Variants in NARF observed in about 807,000 individuals in gnomAD.
NARF encodes nuclear prelamin A recognition factor, also known as iron-only hydrogenase-like protein 2.
NARF carries 41 observed loss-of-function variants against 48.0 expected under a neutral mutation model. The observed-to-expected ratio is 0.85, with a 90% confidence interval of 0.66 to 1.11. The LOEUF (loss-of-function observed/expected upper bound fraction) is 1.11. NARF is among the 50% of genes least tolerant of loss of function. NARF has a pLI of 0.00. For missense variants in NARF, 613 were observed against 590.2 expected, an observed-to-expected ratio of 1.04 and a Z score of -0.40; for synonymous variants, 215 against 225.5, an observed-to-expected ratio of 0.95 and a Z score of 0.42.
At chr17:82,476,074 C>T (rs2043825398) in intron 5 of NARF, among the ~76,000 whole-genome samples, 1 of 152,020 alleles carries the variant, frequency 6.6e-6, no homozygotes, top group Admixed American at 6.6e-5. Flanking sequence ...TTGGTGTGAT[C>T]TTGGCCCACT....
intron 3 of NARF, among the ~76,000 whole-genome samples, chr17:82,465,083 C>T (rs561304025): frequency 1.4e-3 from 206 of 152,190 alleles, no homozygotes; most frequent in Non-Finnish European, 2.6e-3. Flanking sequence ...ACAACCATGG[C>T]GGAAGGGTGA....
chr17:82,480,591 C>T, intron 6 of NARF: 1 of 409,744 alleles, frequency 2.4e-6, no homozygotes, highest in Admixed American at 4.1e-5. Flanking sequence ...ACAGCACTTT[C>T]ATCTGTGGGG....
intron 4 of NARF, among the ~76,000 whole-genome samples, chr17:82,470,503 T>C (rs975882063): frequency 8.5e-5 from 13 of 152,164 alleles, no homozygotes; most frequent in African/African-American, 3.1e-4. Context: ...TTTCTTTTTT[T>C]GTTGTTCTTG....
At chr17:82,475,762 C>G (rs2043818915) in intron 5 of NARF, among the ~76,000 whole-genome samples, 1 of 152,200 alleles carries the variant, frequency 6.6e-6, no homozygotes, top group Non-Finnish European at 1.5e-5. Context: ...ATTGTGTTCA[C>G]TGCCACAGGC....
Position 82,458,794 on chromosome 17 carries a change from C to G in NARF, c.-10C>G. On this transcript the variant is annotated 5_prime_UTR_variant, in exon 1 of 11. Coordinates refer to ENST00000309794, the MANE Select transcript of NARF (RefSeq NM_012336.4). ...CTGAGGCGCCCGGCCTCCCGCCCGC[C>G]GCGCTCCAGATGAAGTGTGAGCACT... 1 of 1,461,674 alleles carries G rather than the reference C, an allele frequency of 6.8e-7. No homozygotes were observed. Among genetic ancestry groups the G allele is most frequent in the Non-Finnish European group, 9.0e-7 (1 of 1,113,982 alleles). 90.5% of individuals were successfully genotyped at this position (1,461,674 alleles called of 1,614,324 possible). A position where few individuals can be genotyped will look rare whatever the true frequency, so the allele number is the denominator to read the frequency against.
chr17:82,473,408 T>C (rs1417418128), intron 5 of NARF, among the ~76,000 whole-genome samples: 1 of 151,370 alleles, frequency 6.6e-6, no homozygotes, highest in African/African-American at 2.4e-5. Context: ...GATTCTTTTT[T>C]TTTTGTTGTT....
intron 5 of NARF, among the ~76,000 whole-genome samples, chr17:82,473,161 G>A (rs1378313038): frequency 6.6e-6 from 1 of 152,064 alleles, no homozygotes; most frequent in Non-Finnish European, 1.5e-5. Context: ...GGCTGGTCTT[G>A]AACTCCTGAT....
chr17:82,459,741 C>T (rs1426331809), intron 1 of NARF, among the ~76,000 whole-genome samples: 1 of 152,024 alleles, frequency 6.6e-6, no homozygotes, highest in Non-Finnish European at 1.5e-5. Context: ...TGGTGGCGCA[C>T]ACCTGTAATC....
intron 2 of NARF, among the ~76,000 whole-genome samples, chr17:82,462,326 G>A (rs2043457663): frequency 6.6e-6 from 1 of 152,304 alleles, no homozygotes; most frequent in African/African-American, 2.4e-5. Flanking sequence ...AGAGACAGTG[G>A]CTCCCCTTGG....
At chr17:82,459,000 C>T (rs1034724714) in intron 1 of NARF, 170 bp downstream of exon 1, 3 of 1,211,958 alleles carry the variant, frequency 2.5e-6, no homozygotes, top group South Asian at 8.4e-5. Flanking sequence ...GCGCGGGGTC[C>T]GCTGCGCTCT....
intron 3 of NARF, among the ~76,000 whole-genome samples, chr17:82,468,305 C>CTG (rs1555627264): frequency 1.4e-5 from 2 of 146,638 alleles, no homozygotes; most frequent in Non-Finnish European, 3.0e-5. Context: ...GGGTGAAACT[C>CTG]TGTTTTTTTT....
In NARF at chr17:82,489,875, T is replaced by C. The variant is rs921138626; in HGVS notation, c.*1718T>C. ...CAGAGTCTCACTTTGTCACCCAGGC[T>C]GGAGTTCAGTGGCGTGATCTCGGCT... On this transcript the variant is annotated 3_prime_UTR_variant, in exon 11 of 11. Transcript: ENST00000309794. 1 of 152,080 alleles carries C rather than the reference T, an allele frequency of 6.6e-6. No individual in the cohort carries two copies. 9.4% of individuals were successfully genotyped at this position (152,080 alleles called of 1,614,324 possible).
At chr17:82,478,456 C>T (rs1039429195) in intron 5 of NARF, 10 of 391,248 alleles carry the variant, frequency 2.6e-5, no homozygotes, top group Admixed American at 5.9e-5. Flanking sequence ...GCTGGCCAGG[C>T]GATTTTGCAC....
intron 10 of NARF, among the ~76,000 whole-genome samples, chr17:82,487,096 C>T (rs1399127465): frequency 2.0e-5 from 3 of 152,146 alleles, no homozygotes; most frequent in Non-Finnish European, 2.9e-5. Context: ...AGTTGGAAAT[C>T]GGGATTTGCA....
chr17:82,459,169 G>GT (rs1352339895), intron 1 of NARF: 1 of 1,101,446 alleles, frequency 9.1e-7, no homozygotes, highest in Non-Finnish European at 1.1e-6. Context: ...TTTCGAGAGG[G>GT]TTTTAGGCGT....
intron 2 of NARF, chr17:82,460,915 A>ATTTTTTTTTTTTT (rs137987200): frequency 4.0e-5 from 6 of 149,732 alleles, no homozygotes; most frequent in African/African-American, 1.5e-4. Flanking sequence ...TCTTCTTTTA[A>ATTTTTTTTTTTTT]TTTTTTTTTT....
At chr17:82,462,331 C>T (rs903035285) in intron 2 of NARF, among the ~76,000 whole-genome samples, 2 of 152,088 alleles carry the variant, frequency 1.3e-5, no homozygotes, top group Non-Finnish European at 2.9e-5. Flanking sequence ...CAGTGGCTCC[C>T]CTTGGCCAGG....
At chr17:82,468,957 T>C in intron 4 of NARF, 61 bp downstream of exon 4, 1 of 1,586,540 alleles carries the variant, frequency 6.3e-7, no homozygotes, top group Non-Finnish European at 8.6e-7. Context: ...CCCTTTTTAA[T>C]CTCTAAAGTT....
chr17:82,482,418 A>AAC (rs1441726013), intron 7 of NARF: 8 of 188,484 alleles, frequency 4.2e-5, no homozygotes, highest in Non-Finnish European at 7.0e-5. Flanking sequence ...ACGTTGACAA[A>AAC]ATAAAACATG....
Sources: gnomAD v4.1 joint callset for allele counts (sites outside exome capture counted in the v4.1 genomes callset) on GRCh38, gnomAD v4.1.1 for gene constraint, MANE v1.5 for transcripts, NCBI Gene and HGNC (gene_info 2026-07-23, HGNC 2026-07-21) for gene names.